The following DHX32 variants were observed in gnomAD, a reference collection of about 807,000 sequenced individuals.
The protein encoded by DHX32 is putative pre-mRNA-splicing factor ATP-dependent RNA helicase DHX32.
In DHX32, 51 loss-of-function variants were observed where a neutral mutation model predicts 70.0. The ratio of observed to expected loss-of-function variants is 0.73; its 90% CI spans 0.58 to 0.92. The LOEUF (loss-of-function observed/expected upper bound fraction) is 0.92. DHX32 is among the 40% of genes least tolerant of loss of function. DHX32 has a pLI of 0.00. For missense variants in DHX32, 762 were observed against 891.8 expected (o/e 0.85, Z 1.85); for synonymous variants, 310 against 315.3 (o/e 0.98, Z 0.18).
At chr10:125,853,133 C>T (rs375172899) in intron 4 of DHX32, 101 of 1,607,064 alleles carry the variant, frequency 6.3e-5, no homozygotes, top group South Asian at 2.2e-4. Context: ...AGGTGGTTCA[C>T]GGGGGCAAGT....
intron 8 of DHX32, among the ~76,000 whole-genome samples, chr10:125,839,881 G>A (rs1336151255): frequency 3.9e-5 from 6 of 152,112 alleles, no homozygotes; most frequent in Admixed American, 1.3e-4. Context: ...CATGCTGCTC[G>A]GAGCAACCAC....
intron 1 of DHX32, among the ~76,000 whole-genome samples, chr10:125,873,345 A>C (rs1284829158): frequency 6.6e-6 from 1 of 152,214 alleles, no homozygotes; most frequent in Non-Finnish European, 1.5e-5. Flanking sequence ...CATGAGACAC[A>C]ATGCTATTAC....
At chr10:125,865,216 G>A (rs186724263) in intron 2 of DHX32, among the ~76,000 whole-genome samples, 4 of 152,220 alleles carry the variant, frequency 2.6e-5, no homozygotes, top group African/African-American at 9.6e-5. Flanking sequence ...CCCTTTCAGG[G>A]TCCTATGTCT....
chr10:125,841,650 T>C (rs939592831), intron 7 of DHX32, 93 bp downstream of exon 7: 2 of 1,521,184 alleles, frequency 1.3e-6, no homozygotes, highest in African/African-American at 2.8e-5. Context: ...CTCTGCTCTG[T>C]GCTCCTCAAA....
rs758929026 is a variant in DHX32 at position 125,880,876 on chromosome 10, T to G, written c.-52A>C. On this transcript the variant is annotated 5_prime_UTR_variant, in exon 1 of 11. Transcript: ENST00000284690. ...TGACATTCCACAAGCAAGTTTCTCC[T>G]ATCAGTAACCCATTGCAAACAGGGC... 1.9e-6 allele frequency: 3 copies of G among 1,574,340 alleles called. No individual in the cohort carries two copies. The highest frequency in any genetic ancestry group is 4.5e-5 in the East Asian group (2 of 44,630).
intron 3 of DHX32, among the ~76,000 whole-genome samples, chr10:125,856,727 C>T (rs1944150160): frequency 6.6e-6 from 1 of 152,116 alleles, no homozygotes; most frequent in Non-Finnish European, 1.5e-5. Context: ...AGGAGAACTG[C>T]TTGAGGCCAG....
At chr10:125,861,334 A>G (rs899525015) in intron 2 of DHX32, among the ~76,000 whole-genome samples, 3 of 151,972 alleles carry the variant, frequency 2.0e-5, no homozygotes, top group Non-Finnish European at 2.9e-5. Flanking sequence ...CGTCTCTACT[A>G]AAAATACAAA....
At chr10:125,879,656 GT>G (rs562768774) in intron 1 of DHX32, among the ~76,000 whole-genome samples, 1 of 151,450 alleles carries the variant, frequency 6.6e-6, no homozygotes, top group Admixed American at 6.6e-5. Flanking sequence ...TGTTTTTTTT[GT>G]TTTTTTTCTG....
chr10:125,844,538 A>C (rs1854958349), intron 6 of DHX32, among the ~76,000 whole-genome samples: 1 of 152,270 alleles, frequency 6.6e-6, no homozygotes, highest in South Asian at 2.1e-4. Context: ...ATTAGAAAGA[A>C]TGAGTTAATG....
intron 6 of DHX32, among the ~76,000 whole-genome samples, chr10:125,844,911 A>C (rs746204358): frequency 6.6e-6 from 1 of 152,218 alleles, no homozygotes; most frequent in African/African-American, 2.4e-5. Context: ...CTCCTCCACT[A>C]CCATCACTCA....
rs758264288 is a variant in DHX32 at position 125,852,607 on chromosome 10, G to A, written c.1128C>T (p.Val376=). The change falls in exon 5 of 11, where the codon GTC becomes GTT. Residue 376 remains valine, a synonymous_variant. Coordinates refer to ENST00000284690, the MANE Select transcript of DHX32 (RefSeq NM_018180.3). ...CCTGGCTCTGGCTGATGGGCTGCAT[G>A]ACGAGCGAGTTTGCTCTTATTCTCG... The part of the protein sequence containing the change: ...YNPRIRANSL[V]MQPISQSQAE... The A allele has an allele frequency of 6.2e-7, 1 of 1,612,982 alleles. No homozygotes were observed. Among genetic ancestry groups the A allele is most frequent in the Non-Finnish European group, 8.5e-7 (1 of 1,179,746 alleles).
At chr10:125,840,296 G>C (rs181080229) in intron 8 of DHX32, among the ~76,000 whole-genome samples, 1 of 152,178 alleles carries the variant, frequency 6.6e-6, no homozygotes, top group African/African-American at 2.4e-5. Context: ...AAAGGACTTT[G>C]TGGCTTTGCT....
In DHX32 at chr10:125,859,507, A is replaced by C. The variant is rs1944171330; in HGVS notation, c.849+96T>G. Reference sequence around the variant, plus strand: ...AGGTGTGATGAAACCAAATATTTAAACAGTTAATTAGCAAACTGAAACCTG... The same window carrying C: ...AGGTGTGATGAAACCAAATATTTAACCAGTTAATTAGCAAACTGAAACCTG... On this transcript the variant is annotated intron_variant, in intron 3 of 10. Coordinates refer to ENST00000284690, the MANE Select transcript of DHX32 (RefSeq NM_018180.3). 8 of 1,345,102 alleles carry C rather than the reference A, an allele frequency of 5.9e-6. No homozygotes were observed. The Middle Eastern group carries it at 7.6e-4, about 127-fold the overall frequency. 83.3% of individuals were successfully genotyped at this position (1,345,102 alleles called of 1,614,324 possible).
chr10:125,844,017 C>T (rs1359022597), intron 6 of DHX32, among the ~76,000 whole-genome samples: 1 of 152,226 alleles, frequency 6.6e-6, no homozygotes, highest in East Asian at 1.9e-4. Context: ...AGAGATATTC[C>T]TGTCCTGCCT....
chr10:125,860,812 G>A (rs1944182692), intron 2 of DHX32, among the ~76,000 whole-genome samples: 3 of 136,408 alleles, frequency 2.2e-5, no homozygotes, highest in African/African-American at 5.5e-5. Flanking sequence ...CTGGAGTGCA[G>A]TGGCGCAATC....
chr10:125,842,227 A>C, intron 6 of DHX32: 2 of 342,922 alleles, frequency 5.8e-6, no homozygotes, highest in Non-Finnish European at 5.3e-6. Flanking sequence ...TAGGAAAACA[A>C]TGCCAGGGAT....
chr10:125,864,874 G>A (rs1944209775), intron 2 of DHX32, among the ~76,000 whole-genome samples: 1 of 131,330 alleles, frequency 7.6e-6, no homozygotes, highest in African/African-American at 2.9e-5. Context: ...AGGTTGAAGT[G>A]AGCTGAGATC....
In DHX32 at chr10:125,855,448, GTTTTTTTTTT is replaced by G. The variant is rs777479193; in HGVS notation, c.850-1255_850-1246del. ...GAGCAATTTCCTATCAAGATAAACT[GTTTTTTTTTT>G]TTTTTTTTGAGATGGAGTCTCGCTC... On this transcript the variant is annotated intron_variant, in intron 3 of 10. Coordinates refer to ENST00000284690, the MANE Select transcript of DHX32 (RefSeq NM_018180.3). Among the ~76,000 whole-genome samples the G allele has an allele frequency of 8.9e-3, 1,085 of 121,468 alleles. 13 individuals are homozygous for G. Among genetic ancestry groups the G allele is most frequent in the African/African-American group, 0.032 (1,024 of 32,106 alleles). 79.7% of individuals were successfully genotyped at this position (121,468 alleles called of 152,430 possible).
Position 125,839,015 on chromosome 10 carries a change from C to A in DHX32, c.1867G>T (p.Gly623Cys). The A allele has an allele frequency of 1.9e-6, 3 of 1,613,744 alleles. No individual in the cohort carries two copies. The highest frequency in any genetic ancestry group is 2.5e-6 in the Non-Finnish European group (3 of 1,179,792). ...CCCCTTCTCACCTGCATAAAGTAAC[C>A]GGACAGAAGAGCTTTCTTTATGTTT... ...TLNIKKALLSGYFMQIARDVD... is the reference protein window; with the variant it reads ...TLNIKKALLSCYFMQIARDVD... The change falls in exon 9 of 11, where the codon GGT (glycine) becomes TGT (cysteine). Residue 623 changes from glycine (G) to cysteine (C), a missense_variant. Coordinates refer to ENST00000284690, the MANE Select transcript of DHX32 (RefSeq NM_018180.3).
Sources: allele counts gnomAD v4.1 joint callset (sites outside exome capture counted in the v4.1 genomes callset), GRCh38; gene constraint gnomAD v4.1.1; transcripts MANE v1.5; gene names NCBI Gene and HGNC (gene_info 2026-07-23, HGNC 2026-07-21).